Variants in ADAP1 observed in about 807,000 individuals in gnomAD.
ADAP1 encodes the protein ArfGAP with dual PH domains 1.
A neutral mutation model predicts 54.9 loss-of-function variants in ADAP1; 31 were observed. The ratio of observed to expected loss-of-function variants is 0.56; its 90% confidence interval spans 0.42 to 0.76. The LOEUF is 0.76. Ranked by LOEUF, ADAP1 falls within the 30% of genes least tolerant of loss-of-function variation. The pLI, the probability that ADAP1 is intolerant of heterozygous loss-of-function variation, is 0.00. For missense variants in ADAP1, 535 were observed against 512.4 expected (o/e 1.04, Z -0.42); for synonymous variants, 313 against 202.6 (o/e 1.55, Z -4.63).
chr7:900,358 C>A (rs780279949), intron 7 of ADAP1, among the ~76,000 whole-genome samples, 175 bp downstream of exon 7: 2 of 152,104 alleles, frequency 1.3e-5, no homozygotes, highest in Non-Finnish European at 2.9e-5. Flanking sequence ...TTTGGCTGAG[C>A]TGAAGTTCTA....
At chr7:936,844 G>A (rs1335415779) in intron 1 of ADAP1, among the ~76,000 whole-genome samples, 1 of 152,212 alleles carries the variant, frequency 6.6e-6, no homozygotes, top group Non-Finnish European at 1.5e-5. Flanking sequence ...GAGTGGAGAG[G>A]ACCCCACCCT....
At position 904,177 on chromosome 7, in the gene ADAP1, G is replaced by A. The variant is rs61729638; in HGVS notation, c.597C>T (p.Tyr199=). 1.7e-3 allele frequency: 2,817 copies of A among 1,612,498 alleles called. 53 individuals carry two copies. In the African/African-American group the frequency reaches 0.033, roughly 19 times the overall value. ...IGHPHGLQVT[Y]LKDNSTRNIF... The stretch of plus-strand genomic sequence containing the variant: ...TGTTACGGGTGCTGTTGTCCTTCAG[G>A]TAGGTGACCTGCAGGCCGTGGGGGT... The change falls in exon 6 of 11, where the codon TAC becomes TAT. Residue 199 remains tyrosine (Y), a synonymous_variant. Transcript: ENST00000265846.
At position 919,583 on chromosome 7, in the gene ADAP1, G is replaced by T. The variant is rs115338477; in HGVS notation, c.388+385C>A. Among the ~76,000 whole-genome samples, 31 of 145,868 alleles carry T rather than the reference G, an allele frequency of 2.1e-4. 1 individual carries two copies. The highest frequency in any genetic ancestry group is 2.1e-4 in the Non-Finnish European group (14 of 66,606). On this transcript the variant is annotated intron_variant, in intron 4 of 10. Coordinates refer to ENST00000265846, the MANE Select transcript of ADAP1 (RefSeq NM_006869.4). ...GAGATAGAGAGAGGATGAGATAGAC[G>T]TGAAGAGAGAGGAAGAGAGACAGAG...
intron 4 of ADAP1, chr7:905,622 G>GAGAAGGGAGAAGGGAGAAGGGA (rs1288611997): frequency 2.7e-5 from 1 of 37,590 alleles, no homozygotes; most frequent in Non-Finnish European, 4.6e-5. Flanking sequence ...AAGGAGAAAG[G>GAGAAGGGAGAAGGGAGAAGGGA]GAAAGGAGAA....
intron 1 of ADAP1, among the ~76,000 whole-genome samples, chr7:950,762 C>A (rs1286626440): frequency 6.9e-6 from 1 of 144,992 alleles, no homozygotes; most frequent in Admixed American, 7.3e-5. Flanking sequence ...GGGACTGAGG[C>A]AGGAGAATCG....
chr7:950,962 T>G (rs1402526823), intron 1 of ADAP1, among the ~76,000 whole-genome samples: 1 of 151,642 alleles, frequency 6.6e-6, no homozygotes, highest in Non-Finnish European at 1.5e-5. Context: ...GGGACAGAGC[T>G]TCAGTTTGGG....
intron 4 of ADAP1, among the ~76,000 whole-genome samples, chr7:908,288 C>T (rs1303086173): frequency 3.3e-5 from 5 of 152,234 alleles, no homozygotes; most frequent in African/African-American, 1.2e-4. Flanking sequence ...CCAGCTCAGA[C>T]AGCCCCATCC....
At chr7:901,360 C>T (rs368906220) in intron 6 of ADAP1, 1 of 230,434 alleles carries the variant, frequency 4.3e-6, no homozygotes, top group South Asian at 5.1e-5. Context: ...CAGCCTGGAG[C>T]TGGTGACCTC....
intron 4 of ADAP1, among the ~76,000 whole-genome samples, chr7:917,339 C>T (rs1182775418): frequency 4.1e-4 from 9 of 22,210 alleles, no homozygotes; most frequent in African/African-American, 1.3e-3. Context: ...GGGAGGTGCA[C>T]GGGAGGGGGG....
At chr7:943,592 G>A (rs1165747066) in intron 1 of ADAP1, among the ~76,000 whole-genome samples, 1 of 24,152 alleles carries the variant, frequency 4.1e-5, no homozygotes, top group African/African-American at 4.8e-4. Context: ...GATGAGGAAG[G>A]GAGAGAGGAG....
intron 4 of ADAP1, among the ~76,000 whole-genome samples, chr7:916,034 C>T (rs552362096): frequency 1.5e-4 from 23 of 152,344 alleles, no homozygotes; most frequent in African/African-American, 5.5e-4. Flanking sequence ...CCTGATCTTC[C>T]CCAGAAGGGC....
At chr7:929,653 G>C (rs1397355483) in intron 2 of ADAP1, among the ~76,000 whole-genome samples, 1 of 152,112 alleles carries the variant, frequency 6.6e-6, no homozygotes, top group African/African-American at 2.4e-5. Context: ...TGATGGGAGG[G>C]GTGGTGAGTA....
intron 1 of ADAP1, among the ~76,000 whole-genome samples, chr7:943,919 A>T (rs1160391258): frequency 6.6e-6 from 1 of 151,562 alleles, no homozygotes; most frequent in East Asian, 1.9e-4. Context: ...AATTATTACT[A>T]TTATTATTAT....
intron 1 of ADAP1, among the ~76,000 whole-genome samples, chr7:952,630 G>T (rs2128113677): frequency 6.6e-6 from 1 of 152,226 alleles, no homozygotes; most frequent in South Asian, 2.1e-4. Flanking sequence ...AAGCAGAGCG[G>T]CCGGGTGTGG....
rs117824556 is a variant in ADAP1, at chr7:903,929, C to T, written c.648+197G>A. On this transcript the variant is annotated intron_variant, in intron 6 of 10. Coordinates refer to ENST00000265846, the MANE Select transcript of ADAP1 (RefSeq NM_006869.4). ...CCTGCACCTGTCTTCCCATGCTGCC[C>T]GGCGCCAGTGCCCACACTCCCACAC... 2,527 of 636,888 alleles carry T rather than the reference C, an allele frequency of 4.0e-3. 19 individuals carry two copies. Among genetic ancestry groups the T allele is most frequent in the East Asian group, 0.019 (549 of 28,908 alleles). 39.5% of individuals were successfully genotyped at this position (636,888 alleles called of 1,614,324 possible).
intron 2 of ADAP1, among the ~76,000 whole-genome samples, chr7:929,839 G>A (rs1483830863): frequency 2.0e-5 from 3 of 151,878 alleles, no homozygotes; most frequent in African/African-American, 4.8e-5. Context: ...TGTGGTGGCT[G>A]AAGCCTGTAA....
intron 1 of ADAP1, among the ~76,000 whole-genome samples, chr7:937,652 G>A (rs1846816875): frequency 1.1e-5 from 1 of 88,262 alleles, no homozygotes; most frequent in Admixed American, 1.1e-4. Flanking sequence ...TGGGATTTGG[G>A]GGTCATGCCC....
At chr7:903,587 G>T (rs1469856072) in intron 6 of ADAP1, among the ~76,000 whole-genome samples, 4 of 152,142 alleles carry the variant, frequency 2.6e-5, no homozygotes. Context: ...CTGGCCCAAA[G>T]ACAAAAGGAT....
At position 922,297 on chromosome 7, in the gene ADAP1, A is replaced by AT. The variant is rs1244876464; in HGVS notation, c.306-2248_306-2247insA. Among the ~76,000 whole-genome samples the AT allele has an allele frequency of 1.3e-4, 20 of 152,014 alleles. No individual in the cohort carries two copies. The East Asian group carries it at 3.1e-3, about 24-fold the overall frequency. Reference sequence around the variant, plus strand: ...GGCTCAGGGGAGCCAGGCTTCAAGGACCCCTAGGCCACCCCTTCAAGGCCA... The same window carrying AT: ...GGCTCAGGGGAGCCAGGCTTCAAGGATCCCCTAGGCCACCCCTTCAAGGCCA... On this transcript the variant is annotated intron_variant, in intron 3 of 10. Transcript: ENST00000265846.
Sources: gnomAD v4.1 joint callset for allele counts (sites outside exome capture counted in the v4.1 genomes callset) on GRCh38, gnomAD v4.1.1 for gene constraint, MANE v1.5 for transcripts, NCBI Gene and HGNC (gene_info 2026-07-23, HGNC 2026-07-21) for gene names.